The following GRM7 variants were observed in gnomAD, a reference collection of about 807,000 sequenced individuals.
GRM7 encodes the protein glutamate metabotropic receptor 7.
GRM7 carries 35 observed loss-of-function variants against 84.5 expected under a neutral mutation model. That is an observed-to-expected ratio of 0.41 (90% confidence interval 0.32 to 0.55). GRM7 has a LOEUF of 0.55. Among genes scored for constraint, GRM7 ranks in the 20% least tolerant of loss-of-function variants. The pLI is 0.19. For missense variants in GRM7, 1,003 were observed against 1,194.6 expected, an observed-to-expected ratio of 0.84 and a Z score of 2.36; for synonymous variants, 487 against 455.1, an observed-to-expected ratio of 1.07 and a Z score of -0.89.
chr3:7,205,970 A>G (rs1696224171), intron 2 of GRM7, among the ~76,000 whole-genome samples: 2 of 152,184 alleles, frequency 1.3e-5, no homozygotes, highest in Admixed American at 1.3e-4. Context: ...AGTGTGTTAG[A>G]CATAATTCTC....
At chr3:7,391,460 C>T (rs1342176679) in intron 4 of GRM7, among the ~76,000 whole-genome samples, 1 of 152,008 alleles carries the variant, frequency 6.6e-6, no homozygotes, top group African/African-American at 2.4e-5. Flanking sequence ...ATCACAAGGA[C>T]AGAAAACCAA....
At position 7,631,079 on chromosome 3, in the gene GRM7, T is replaced by C. The variant is rs534563588; in HGVS notation, c.2452-48970T>C. 1.3e-3 allele frequency among the ~76,000 whole-genome samples: 201 copies of C among 152,332 alleles called. 1 individual carries two copies. Among genetic ancestry groups the C allele is most frequent in the Non-Finnish European group, 2.0e-3 (137 of 68,030 alleles). Reference sequence around the variant, plus strand: ...CTAGCAGACTGCTTGCCAAACACCGTGGCCGCAGGGTCAAAGAACATTTGT... The same window carrying C: ...CTAGCAGACTGCTTGCCAAACACCGCGGCCGCAGGGTCAAAGAACATTTGT... On this transcript the variant is annotated intron_variant, in intron 8 of 9. Coordinates refer to ENST00000357716, the MANE Select transcript of GRM7 (RefSeq NM_000844.4).
At chr3:7,244,697 A>G (rs1360286056) in intron 2 of GRM7, among the ~76,000 whole-genome samples, 1 of 152,116 alleles carries the variant, frequency 6.6e-6, no homozygotes, top group Non-Finnish European at 1.5e-5. Context: ...CTAGAACAAA[A>G]CAATAGTCTT....
chr3:7,350,548 C>T (rs191097858), intron 4 of GRM7, among the ~76,000 whole-genome samples: 153 of 152,192 alleles, frequency 1.0e-3, no homozygotes, highest in Middle Eastern at 6.8e-3. Flanking sequence ...TCCTGTATAG[C>T]CTGCAAAACT....
intron 1 of GRM7, among the ~76,000 whole-genome samples, chr3:7,036,182 T>C (rs1432708146): frequency 6.6e-6 from 1 of 152,228 alleles, no homozygotes; most frequent in Admixed American, 6.5e-5. Flanking sequence ...TCATTAATTG[T>C]ATAATAAAAA....
chr3:7,541,928 C>T (rs1202664955), intron 7 of GRM7, among the ~76,000 whole-genome samples: 2 of 152,164 alleles, frequency 1.3e-5, no homozygotes, highest in African/African-American at 4.8e-5. Context: ...TAGAAATCTT[C>T]CTTGCCTCTT....
intron 1 of GRM7, among the ~76,000 whole-genome samples, chr3:7,066,009 T>G (rs1697641612): frequency 6.6e-6 from 1 of 151,770 alleles, no homozygotes; most frequent in Non-Finnish European, 1.5e-5. Context: ...TATCAAAACC[T>G]CTGGGATACA....
At chr3:7,069,656 A>T (rs1349083020) in intron 1 of GRM7, among the ~76,000 whole-genome samples, 2 of 152,122 alleles carry the variant, frequency 1.3e-5, no homozygotes, top group Non-Finnish European at 2.9e-5. Flanking sequence ...GTCCATACAC[A>T]GTAGGCAGGG....
chr3:7,252,257 A>G (rs1274767278), intron 2 of GRM7, among the ~76,000 whole-genome samples: 1 of 152,158 alleles, frequency 6.6e-6, no homozygotes, highest in Non-Finnish European at 1.5e-5. Context: ...ATGCTCTGAT[A>G]TGGGCAATTA....
chr3:7,508,366 A>C (rs1182765231), intron 7 of GRM7, among the ~76,000 whole-genome samples: 2 of 152,188 alleles, frequency 1.3e-5, no homozygotes, highest in Non-Finnish European at 2.9e-5. Context: ...AAGTTTCTTC[A>C]TGCTCCTTCA....
At chr3:7,484,698 T>C (rs1450386154) in intron 7 of GRM7, among the ~76,000 whole-genome samples, 1 of 152,182 alleles carries the variant, frequency 6.6e-6, no homozygotes, top group African/African-American at 2.4e-5. Flanking sequence ...CTGGTATTAG[T>C]ATGTGTGTAT....
chr3:7,263,223 T>G (rs530030296), intron 2 of GRM7, among the ~76,000 whole-genome samples: 1 of 152,280 alleles, frequency 6.6e-6, no homozygotes, highest in African/African-American at 2.4e-5. Flanking sequence ...GGACTGCCTG[T>G]TCTTACTCTG....
intron 2 of GRM7, among the ~76,000 whole-genome samples, chr3:7,219,574 T>C (rs981406459): frequency 6.6e-6 from 1 of 152,196 alleles, no homozygotes; most frequent in Non-Finnish European, 1.5e-5. Flanking sequence ...TGGTTATGGA[T>C]TGGAATTAGG....
At chr3:7,376,498 C>G (rs903472396) in intron 4 of GRM7, among the ~76,000 whole-genome samples, 26 of 152,172 alleles carry the variant, frequency 1.7e-4, no homozygotes, top group African/African-American at 5.6e-4. Flanking sequence ...AAATATAAGT[C>G]TTCCTGAGAA....
intron 6 of GRM7, among the ~76,000 whole-genome samples, chr3:7,457,925 C>T (rs79362011): frequency 0.016 from 2,508 of 152,208 alleles, 61 homozygotes; most frequent in African/African-American, 0.056. Flanking sequence ...CTGCTGTCCC[C>T]ACAGAGCTCT....
chr3:6,875,121 A>C (rs574247196), intron 1 of GRM7, among the ~76,000 whole-genome samples: 1 of 152,158 alleles, frequency 6.6e-6, no homozygotes, highest in Non-Finnish European at 1.5e-5. Flanking sequence ...TCAACAGTAC[A>C]TTAAAAGTTA....
intron 7 of GRM7, among the ~76,000 whole-genome samples, chr3:7,572,381 A>C (rs1694711866): frequency 6.6e-6 from 1 of 152,154 alleles, no homozygotes; most frequent in Non-Finnish European, 1.5e-5. Flanking sequence ...TGTGCAAACA[A>C]ATTAGGAATT....
At chr3:6,902,875 A>ACG (rs1464541835) in intron 1 of GRM7, among the ~76,000 whole-genome samples, 2 of 151,674 alleles carry the variant, frequency 1.3e-5, no homozygotes, top group Admixed American at 6.6e-5. Flanking sequence ...ACACACACAC[A>ACG]CACACACCCC....
chr3:7,616,518 C>A (rs1036926519), intron 8 of GRM7, among the ~76,000 whole-genome samples: 3 of 152,162 alleles, frequency 2.0e-5, no homozygotes, highest in African/African-American at 7.2e-5. Flanking sequence ...ATTGTCTATG[C>A]AGCTATCTTT....
Sources: gnomAD v4.1 joint callset for allele counts (sites outside exome capture counted in the v4.1 genomes callset) on GRCh38, gnomAD v4.1.1 for gene constraint, MANE v1.5 for transcripts, NCBI Gene and HGNC (gene_info 2026-07-23, HGNC 2026-07-21) for gene names.